SLAMF1: variants seen among roughly 807,000 people sequenced by gnomAD.
SLAMF1 encodes the protein signaling lymphocytic activation molecule family member 1.
SLAMF1 carries 18 observed loss-of-function variants against 35.1 expected under a neutral mutation model. The ratio of observed to expected loss-of-function variants is 0.51; its 90% CI spans 0.35 to 0.76. SLAMF1 has a LOEUF of 0.76. Ranked by LOEUF, SLAMF1 falls within the 30% of genes least tolerant of loss-of-function variation. The pLI is 0.01. For synonymous variants in SLAMF1, 168 were observed against 157.2 expected, an observed-to-expected ratio of 1.07 and a Z score of -0.51; for missense variants, 392 against 413.0, an observed-to-expected ratio of 0.95 and a Z score of 0.44.
intron 5 of SLAMF1, among the ~76,000 whole-genome samples, 179 bp from the exon 6 acceptor site, chr1:160,612,759 C>G (rs1809963): frequency 0.22 from 32,824 of 152,120 alleles, 4,214 homozygotes; most frequent in Middle Eastern, 0.36. Flanking sequence ...CTCAATTCCC[C>G]AGGCTTTGCT....
chr1:160,616,114 A>T (rs1659286544), intron 5 of SLAMF1, among the ~76,000 whole-genome samples: 1 of 152,082 alleles, frequency 6.6e-6, no homozygotes. Flanking sequence ...TCAAAACCCC[A>T]CTGGTTGGGC....
At chr1:160,629,096 C>G (rs574992033) in intron 3 of SLAMF1, among the ~76,000 whole-genome samples, 1 of 152,282 alleles carries the variant, frequency 6.6e-6, no homozygotes, top group South Asian at 2.1e-4. Context: ...ACTCCCGAGG[C>G]TCTTAGAGGC....
At position 160,609,709 on chromosome 1, in the gene SLAMF1, C is replaced by A. The variant is rs1420733597; in HGVS notation, c.*1039G>T. On this transcript the variant is annotated 3_prime_UTR_variant, in exon 7 of 7. Coordinates refer to ENST00000302035, the MANE Select transcript of SLAMF1 (RefSeq NM_003037.5). ...TTATTGAGCATTCAAAGATTTGAAGCTGTTAGACCAAAATAACTTAATTTT... is the reference window on the plus strand; with the variant it reads ...TTATTGAGCATTCAAAGATTTGAAGATGTTAGACCAAAATAACTTAATTTT... 6.6e-6 allele frequency: 1 copy of A among 152,192 alleles called. No homozygotes were observed. Among genetic ancestry groups the A allele is most frequent in the Non-Finnish European group, 1.5e-5 (1 of 68,028 alleles). 9.4% of individuals were successfully genotyped at this position (152,192 alleles called of 1,614,324 possible).
intron 5 of SLAMF1, among the ~76,000 whole-genome samples, chr1:160,616,232 G>T (rs1570967936): frequency 6.6e-6 from 1 of 152,156 alleles, no homozygotes; most frequent in East Asian, 1.9e-4. Context: ...TGTCATTTTG[G>T]GATCAATCTG....
intron 4 of SLAMF1, chr1:160,623,456 A>C: frequency 5.0e-6 from 2 of 398,338 alleles, no homozygotes; most frequent in Non-Finnish European, 8.9e-6. Context: ...CTTGAGAATG[A>C]AATCAGTCAT....
At chr1:160,635,059 C>T (rs998243294) in intron 2 of SLAMF1, among the ~76,000 whole-genome samples, 162 bp from the exon 3 acceptor site, 2 of 152,150 alleles carry the variant, frequency 1.3e-5, no homozygotes, top group Admixed American at 6.5e-5. Context: ...GTCCATCATG[C>T]CCCACTACAT....
chr1:160,623,518 G>T (rs977072824), intron 4 of SLAMF1: 1 of 398,580 alleles, frequency 2.5e-6, no homozygotes, highest in Non-Finnish European at 4.4e-6. Flanking sequence ...GAAGGCAGCC[G>T]GGGCATCTCT....
intron 5 of SLAMF1, chr1:160,615,661 T>C (rs766905182): frequency 1.7e-4 from 41 of 235,706 alleles, no homozygotes; most frequent in Non-Finnish European, 3.1e-4. Flanking sequence ...AGGCAGAATG[T>C]CAAAATGTGA....
intron 4 of SLAMF1, among the ~76,000 whole-genome samples, chr1:160,621,800 T>C (rs1026427724): frequency 2.6e-5 from 4 of 151,892 alleles, no homozygotes; most frequent in Non-Finnish European, 5.9e-5. Flanking sequence ...GCCTAGTGGT[T>C]TCAACTTCGC....
intron 1 of SLAMF1, among the ~76,000 whole-genome samples, chr1:160,644,586 C>T (rs1660930573): frequency 6.6e-6 from 1 of 152,088 alleles, no homozygotes; most frequent in Admixed American, 6.6e-5. Flanking sequence ...TTTTGTTTTC[C>T]CCACACCTTG....
At chr1:160,644,289 T>C (rs1660914931) in intron 1 of SLAMF1, among the ~76,000 whole-genome samples, 2 of 152,312 alleles carry the variant, frequency 1.3e-5, no homozygotes, top group Middle Eastern at 3.4e-3. Flanking sequence ...TGTCCAGTTT[T>C]ACTCATTGAG....
chr1:160,610,510 A>C lies in SLAMF1; in HGVS notation c.*238T>G, dbSNP rs1658921794. On this transcript the variant is annotated 3_prime_UTR_variant, in exon 7 of 7. Coordinates refer to ENST00000302035, the MANE Select transcript of SLAMF1 (RefSeq NM_003037.5). ...AACACAAAGATGGAACGCTGTTATCAAGTAACGCTCTGTTCTGCGCCTGCA... is the reference window on the plus strand; with the variant it reads ...AACACAAAGATGGAACGCTGTTATCCAGTAACGCTCTGTTCTGCGCCTGCA... 1.8e-6 allele frequency: 1 copy of C among 561,784 alleles called. No individual in the cohort carries two copies. Among genetic ancestry groups the C allele is most frequent in the Non-Finnish European group, 3.3e-6 (1 of 304,526 alleles). The allele number at this position is 561,784 out of a possible 1,614,324, so 34.8% of individuals were successfully genotyped here.
intron 1 of SLAMF1, among the ~76,000 whole-genome samples, chr1:160,638,861 C>T (rs1035397217): frequency 6.6e-6 from 1 of 152,150 alleles, no homozygotes; most frequent in Non-Finnish European, 1.5e-5. Context: ...TTTCTCCTAT[C>T]CTATATAGGT....
chr1:160,618,902 A>G (rs991177383), intron 5 of SLAMF1, among the ~76,000 whole-genome samples: 3 of 152,018 alleles, frequency 2.0e-5, no homozygotes, highest in African/African-American at 7.3e-5. Context: ...TAGTTGGGGG[A>G]AGGATGGAGC....
chr1:160,622,465 C>T (rs1317711871), intron 4 of SLAMF1, among the ~76,000 whole-genome samples: 1 of 152,152 alleles, frequency 6.6e-6, no homozygotes, highest in Admixed American at 6.5e-5. Flanking sequence ...TCAATCTGTT[C>T]TAGGTATTGT....
At chr1:160,630,351 GAA>G (rs1337486433) in intron 3 of SLAMF1, among the ~76,000 whole-genome samples, 2 of 152,150 alleles carry the variant, frequency 1.3e-5, no homozygotes, top group Non-Finnish European at 2.9e-5. Context: ...GTCACCTAAA[GAA>G]AAAGATTTCA....
chr1:160,619,925 T>C, intron 4 of SLAMF1, 76 bp from the exon 5 acceptor site: 1 of 974,294 alleles, frequency 1.0e-6, no homozygotes, highest in Non-Finnish European at 1.7e-6. Flanking sequence ...TGGTCTTTAC[T>C]GTCCTTTGCA....
At chr1:160,628,033 G>A (rs1482480236) in intron 3 of SLAMF1, among the ~76,000 whole-genome samples, 1 of 152,118 alleles carries the variant, frequency 6.6e-6, no homozygotes, top group Admixed American at 6.5e-5. Context: ...ACATGATTTT[G>A]CTCCTCATTC....
chr1:160,637,346 C>T lies in SLAMF1; in HGVS notation c.260G>A (p.Gly87Asp). The T allele has an allele frequency of 1.9e-6, 3 of 1,614,094 alleles. No individual in the cohort carries two copies. The highest frequency in any genetic ancestry group is 2.5e-6 in the Non-Finnish European group (3 of 1,179,966). Reference protein sequence around the residue: ...KIVSLDPSEAGPPRYLGDRYK... With the variant: ...KIVSLDPSEADPPRYLGDRYK... Reference sequence around the variant, plus strand: ...GCGATCTCCTAGATAACGTGGAGGGCCTGCTTCGGATGGATCAAGAGACAC... The same window carrying T: ...GCGATCTCCTAGATAACGTGGAGGGTCTGCTTCGGATGGATCAAGAGACAC... Residue 87 changes from glycine to aspartate, a missense_variant, in exon 2 of 7, where the codon GGC becomes GAC. By Grantham distance (94) the Gly-to-Asp change is moderately conservative (BLOSUM62 -1). Coordinates refer to ENST00000302035, the MANE Select transcript of SLAMF1 (RefSeq NM_003037.5).
Sources: gnomAD v4.1 joint callset for allele counts (sites outside exome capture counted in the v4.1 genomes callset) on GRCh38, gnomAD v4.1.1 for gene constraint, MANE v1.5 for transcripts, NCBI Gene and HGNC (gene_info 2026-07-23, HGNC 2026-07-21) for gene names.